Variants in FANCI observed in about 807,000 individuals in gnomAD.
FANCI encodes the protein FA complementation group I, also known as Fanconi anemia group I protein.
FANCI carries 156 observed loss-of-function variants against 176.1 expected under a neutral mutation model. The ratio of observed to expected loss-of-function variants is 0.89; its 90% CI spans 0.78 to 1.01. The LOEUF is 1.01. FANCI is among the 50% of genes least tolerant of loss of function. The probability of loss-of-function intolerance (pLI) is 0.00; values close to 1 mark genes in which losing one functional copy is unlikely to be tolerated. For synonymous variants in FANCI, 613 were observed against 541.7 expected, an observed-to-expected ratio of 1.13 and a Z score of -1.83; for missense variants, 1,678 against 1,534.1, an observed-to-expected ratio of 1.09 and a Z score of -1.57.
intron 9 of FANCI, among the ~76,000 whole-genome samples, chr15:89,265,905 C>T (rs2052928729): frequency 1.3e-5 from 2 of 152,088 alleles, no homozygotes; most frequent in Non-Finnish European, 2.9e-5. Context: ...CCTCACAACC[C>T]TATTTTACCT....
At chr15:89,257,889 G>T (rs1332094756) in intron 2 of FANCI, among the ~76,000 whole-genome samples, 1 of 152,176 alleles carries the variant, frequency 6.6e-6, no homozygotes, top group African/African-American at 2.4e-5. Context: ...GAGCAAGGAT[G>T]ATTTTTGAAA....
intron 23 of FANCI, among the ~76,000 whole-genome samples, chr15:89,294,603 G>A (rs929445760): frequency 1.4e-5 from 2 of 140,654 alleles, no homozygotes; most frequent in East Asian, 2.0e-4. Flanking sequence ...AAAAAGGTAG[G>A]GGGGGTGACT....
chr15:89,273,229 G>T, intron 10 of FANCI, 148 bp from the exon 11 acceptor site: 1 of 582,126 alleles, frequency 1.7e-6, no homozygotes. Flanking sequence ...CGTTGAGCCT[G>T]GGAAATCAAG....
At chr15:89,288,530 CT>C (rs962556649) in intron 18 of FANCI, among the ~76,000 whole-genome samples, 5 of 147,362 alleles carry the variant, frequency 3.4e-5, no homozygotes, top group East Asian at 2.0e-4. Context: ...TTGCCATTTG[CT>C]TTTTTTTTAA....
chr15:89,284,072 T>A (rs949632679), intron 17 of FANCI, among the ~76,000 whole-genome samples: 1 of 152,184 alleles, frequency 6.6e-6, no homozygotes, highest in Non-Finnish European at 1.5e-5. Flanking sequence ...ATATTATATT[T>A]CTTTTGGATA....
intron 35 of FANCI, 102 bp from the exon 36 acceptor site, chr15:89,314,510 A>G (rs1234132033): frequency 2.3e-6 from 2 of 860,488 alleles, no homozygotes. Context: ...GAGACAGACT[A>G]GTTTTCCCCT....
chr15:89,283,305 T>C, intron 17 of FANCI, 55 bp downstream of exon 17: 12 of 1,610,892 alleles, frequency 7.4e-6, no homozygotes, highest in Non-Finnish European at 1.0e-5. Flanking sequence ...TGTGCATCGA[T>C]GAAATGCACG....
chr15:89,263,001 T>C (rs1347927891), intron 6 of FANCI, among the ~76,000 whole-genome samples: 1 of 152,240 alleles, frequency 6.6e-6, no homozygotes, highest in Non-Finnish European at 1.5e-5. Context: ...CCCAAAGTGT[T>C]GGGATAATAA....
chr15:89,257,552 C>T (rs1266614166), intron 2 of FANCI, among the ~76,000 whole-genome samples: 1 of 152,160 alleles, frequency 6.6e-6, no homozygotes, highest in Non-Finnish European at 1.5e-5. Flanking sequence ...TCATCTTCAC[C>T]TGACATTCCC....
At chr15:89,281,991 C>T in intron 16 of FANCI, 156 bp downstream of exon 16, 1 of 674,900 alleles carries the variant, frequency 1.5e-6, no homozygotes, top group Non-Finnish European at 2.6e-6. Context: ...TTGCTAAGTG[C>T]TTTATGTGCT....
chr15:89,285,504 G>A lies in FANCI; in HGVS notation c.1821+286G>A, dbSNP rs1019977816. Among the ~76,000 whole-genome samples, 58 of 152,148 alleles carry A rather than the reference G, an allele frequency of 3.8e-4. 1 individual carries two copies. The highest frequency in any genetic ancestry group is 1.7e-4 in the African/African-American group (7 of 41,442). ...TAGCTGGGTGTGGTGGCATGCGCCC[G>A]TGGTCCCAGCTACTCAGGAGGCTGA... On this transcript the variant is annotated intron_variant, in intron 18 of 37. Transcript: ENST00000310775.
At chr15:89,261,541 A>G (rs909048645) in intron 4 of FANCI, 44 bp from the exon 5 acceptor site, 2 of 1,610,828 alleles carry the variant, frequency 1.2e-6, no homozygotes, top group African/African-American at 1.3e-5. Flanking sequence ...TTTATCAAAC[A>G]TTGGATTTCT....
chr15:89,309,328 C>CTA (rs2054859532), intron 34 of FANCI, among the ~76,000 whole-genome samples: 1 of 152,018 alleles, frequency 6.6e-6, no homozygotes. Flanking sequence ...TTAATGATAC[C>CTA]TATAAAGACA....
rs770128566 is a variant in FANCI, at chr15:89,263,868, C to T, written c.546-35C>T. The T allele has an allele frequency of 1.4e-5, 22 of 1,613,328 alleles. 1 individual carries two copies. The South Asian group carries it at 2.2e-4, about 16-fold the overall frequency. ...AATTTCTGAAAACAAGGCAGTTAGACACTGTCTATAGCCTTTAGAATCTTT... is the reference window on the plus strand; with the variant it reads ...AATTTCTGAAAACAAGGCAGTTAGATACTGTCTATAGCCTTTAGAATCTTT... On this transcript the variant is annotated intron_variant, in intron 7 of 37. Coordinates refer to ENST00000310775, the MANE Select transcript of FANCI (RefSeq NM_001113378.2).
Position 89,261,642 on chromosome 15 carries a change from G to A in FANCI, c.346G>A (p.Val116Ile), listed in dbSNP as rs752428654. Residue 116 changes from valine (V) to isoleucine (I), a missense_variant, in exon 5 of 38, where the codon GTC becomes ATC. By Grantham distance (29) the Val-to-Ile change is conservative (BLOSUM62 3). Around this residue, in one of 3 missense-constraint regions of FANCI, gnomAD observed 469 missense variants for 436.9 expected, o/e 1.07. Coordinates refer to ENST00000310775, the MANE Select transcript of FANCI (RefSeq NM_001113378.2). ...VELANEFISA[V>I]REGSLVNGKS... Reference sequence around the variant, plus strand: ...ATTAGCCAATGAGTTTATTAGTGCTGTCAGAGAAGGCAGCCTAGTGAATGG... The same window carrying A: ...ATTAGCCAATGAGTTTATTAGTGCTATCAGAGAAGGCAGCCTAGTGAATGG... 3 of 1,614,018 alleles carry A rather than the reference G, an allele frequency of 1.9e-6. No homozygotes were observed. The highest frequency in any genetic ancestry group is 1.3e-5 in the African/African-American group (1 of 74,910).
intron 9 of FANCI, 62 bp from the exon 10 acceptor site, chr15:89,268,321 TTGGCCTCCCAAAGTGC>T (rs2053058536): frequency 6.5e-6 from 10 of 1,528,726 alleles, no homozygotes; most frequent in Non-Finnish European, 9.0e-6. Context: ...TGCGCCCGCC[TTGGCCTCCCAAAGTGC>T]TGGCATTACA....
At chr15:89,248,756 AT>A (rs919396435) in intron 2 of FANCI, among the ~76,000 whole-genome samples, 27 of 151,986 alleles carry the variant, frequency 1.8e-4, no homozygotes, top group Admixed American at 1.2e-3. Flanking sequence ...TATTTCCCTC[AT>A]TTTTCCATTA....
Position 89,281,294 on chromosome 15 carries a change from A to C in FANCI, c.1506A>C (p.Ala502=). 4 of 1,613,742 alleles carry C rather than the reference A, an allele frequency of 2.5e-6. No homozygotes were observed. Among genetic ancestry groups the C allele is most frequent in the Non-Finnish European group, 3.4e-6 (4 of 1,179,750 alleles). Reference sequence around the variant, plus strand: ...AGACTGTACAAAGGCTGCTTAAGGCAGTGCAGGTAAGTCTTCAGATTCCCA... The same window carrying C: ...AGACTGTACAAAGGCTGCTTAAGGCCGTGCAGGTAAGTCTTCAGATTCCCA... ...PLQTVQRLLK[A]VQPLLKVSMS... is the part of the protein sequence containing the mutation. Residue 502 remains alanine, a synonymous_variant, in exon 15 of 38, where the codon GCA becomes GCC. Coordinates refer to ENST00000310775, the MANE Select transcript of FANCI (RefSeq NM_001113378.2).
chr15:89,288,653 T>C (rs1458013903), intron 18 of FANCI, among the ~76,000 whole-genome samples: 3 of 150,716 alleles, frequency 2.0e-5, no homozygotes, highest in African/African-American at 7.3e-5. Context: ...AGAGTCTTCC[T>C]CTGTTATCCA....
Sources: allele counts gnomAD v4.1 joint callset (sites outside exome capture counted in the v4.1 genomes callset), GRCh38; gene constraint gnomAD v4.1.1; regional missense constraint gnomAD v4.1.1; transcripts MANE v1.5; gene names NCBI Gene and HGNC (gene_info 2026-07-23, HGNC 2026-07-21).